Variants in DDX60L observed in about 807,000 individuals in gnomAD.
DDX60L encodes the protein probable ATP-dependent RNA helicase DDX60-like.
Under a neutral mutation model 211.6 loss-of-function variants are expected in DDX60L, and 191 were observed. The observed-to-expected ratio is 0.90, with a 90% CI of 0.80 to 1.02. The LOEUF (loss-of-function observed/expected upper bound fraction) is 1.02, where lower values mean the gene tolerates loss of function less well. Ranked by LOEUF, DDX60L falls within the 50% of genes least tolerant of loss-of-function variation. The probability of loss-of-function intolerance (pLI) is 0.00; values close to 1 mark genes in which losing one functional copy is unlikely to be tolerated. For synonymous variants in DDX60L, 706 were observed against 694.1 expected, an observed-to-expected ratio of 1.02 and a Z score of -0.27; for missense variants, 2,007 against 1,984.1, an observed-to-expected ratio of 1.01 and a Z score of -0.22.
rs375169748 is a variant in DDX60L, at chr4:168,456,138, T to C, written c.738A>G (p.Leu246=). The C allele has an allele frequency of 1.4e-5, 22 of 1,577,038 alleles. No individual in the cohort carries two copies. Among genetic ancestry groups the C allele is most frequent in the African/African-American group, 2.7e-5 (2 of 72,882 alleles). ...NDMMEEAYQT[L]FLLQHLWSEG... ...CTGACCATAGGTGCTGAAGCAGAAA[T>C]AGAGTCTGATACGCCTATCAAAAAA... Residue 246 remains leucine, a synonymous_variant, in exon 7 of 38, where the codon CTA becomes CTG. Transcript: ENST00000682922.
At chr4:168,474,746 T>C (rs187635874) in intron 1 of DDX60L, among the ~76,000 whole-genome samples, 12 of 152,208 alleles carry the variant, frequency 7.9e-5, no homozygotes, top group Non-Finnish European at 1.0e-4. Context: ...ACATGAAAGA[T>C]TGATCGAAGC....
At position 168,389,695 on chromosome 4, in the gene DDX60L, A is replaced by G. The variant is rs1489141446; in HGVS notation, c.3915+1845T>C. ...TATTGAGTGAGAAACATAAATCCAC[A>G]GGTAGATTTTCTTTTTTAAAACTTT... is the stretch of plus-strand genomic sequence containing the variant. On this transcript the variant is annotated intron_variant, in intron 29 of 37. Transcript: ENST00000682922. 2.0e-5 allele frequency among the ~76,000 whole-genome samples: 3 copies of G among 152,360 alleles called. No homozygotes were observed. In the East Asian group the frequency reaches 5.8e-4, roughly 29 times the overall value.
Position 168,358,119 on chromosome 4 carries a change from T to A in DDX60L, c.*28A>T. 1 of 1,591,236 alleles carries A rather than the reference T, an allele frequency of 6.3e-7. No homozygotes were observed. The highest frequency in any genetic ancestry group is 8.6e-7 in the Non-Finnish European group (1 of 1,164,072). On this transcript the variant is annotated 3_prime_UTR_variant, in exon 38 of 38. Coordinates refer to ENST00000682922, the MANE Select transcript of DDX60L (RefSeq NM_001012967.3). ...TCCTTGCAAAGGGATAAATACCACATAATCAGACTTGAAAGTTTTCCATGG... is the reference window on the plus strand; with the variant it reads ...TCCTTGCAAAGGGATAAATACCACAAAATCAGACTTGAAAGTTTTCCATGG...
At chr4:168,478,674 G>A (rs908804638) in intron 1 of DDX60L, among the ~76,000 whole-genome samples, 4 of 152,158 alleles carry the variant, frequency 2.6e-5, no homozygotes, top group African/African-American at 2.4e-5. Flanking sequence ...AGCTAATCCT[G>A]AGAAGAATTT....
intron 8 of DDX60L, among the ~76,000 whole-genome samples, chr4:168,449,702 T>A (rs1755519091): frequency 9.0e-6 from 1 of 111,394 alleles, no homozygotes; most frequent in African/African-American, 3.6e-5. Flanking sequence ...TGTGCTTGAC[T>A]AAGAAAGAGG....
Position 168,373,811 on chromosome 4 carries a change from G to C in DDX60L, c.4634-3C>G. 1 of 1,612,180 alleles carries C rather than the reference G, an allele frequency of 6.2e-7. No individual in the cohort carries two copies. Among genetic ancestry groups the C allele is most frequent in the Non-Finnish European group, 8.5e-7 (1 of 1,179,128 alleles). Reference sequence around the variant, plus strand: ...TTCACATTCTTTACCTGTGAATTCTGACCATTTTGGACTAGGTCACGTTAG... The same window carrying C: ...TTCACATTCTTTACCTGTGAATTCTCACCATTTTGGACTAGGTCACGTTAG... On this transcript the variant is annotated splice_region_variant and splice_polypyrimidine_tract_variant and intron_variant, in intron 34 of 37. Transcript: ENST00000682922.
At chr4:168,377,331 T>A (rs945274598) in intron 33 of DDX60L, among the ~76,000 whole-genome samples, 1 of 150,238 alleles carries the variant, frequency 6.7e-6, no homozygotes, top group Admixed American at 6.6e-5. Flanking sequence ...AATAAATAAA[T>A]AAATAAATAA....
chr4:168,416,831 A>T, intron 19 of DDX60L, 34 bp from the exon 20 acceptor site: 1 of 1,209,624 alleles, frequency 8.3e-7, no homozygotes, highest in Non-Finnish European at 1.2e-6. Flanking sequence ...TGAAAAGTTG[A>T]TGTCAAAATC....
intron 10 of DDX60L, among the ~76,000 whole-genome samples, chr4:168,434,943 C>A (rs2149962951): frequency 6.6e-6 from 1 of 152,308 alleles, no homozygotes; most frequent in South Asian, 2.1e-4. Flanking sequence ...TACTGTTCAT[C>A]TTTCTTCAGT....
At chr4:168,440,330 A>G (rs972697979) in intron 10 of DDX60L, among the ~76,000 whole-genome samples, 4 of 152,244 alleles carry the variant, frequency 2.6e-5, no homozygotes, top group African/African-American at 9.6e-5. Flanking sequence ...CTTAGAAAAT[A>G]TGTGGACAGT....
At position 168,471,349 on chromosome 4, in the gene DDX60L, C is replaced by T. The variant is rs1466063322; in HGVS notation, c.264+398G>A. 3 of 154,280 alleles carry T rather than the reference C, an allele frequency of 1.9e-5. No individual in the cohort carries two copies. In the East Asian group the frequency reaches 5.7e-4, roughly 29 times the overall value. The allele number at this position is 154,280 out of a possible 1,614,324, so 9.6% of individuals were successfully genotyped here. ...TGGTGGGATATAGATATTTGCTCTA[C>T]AACCTTTCAACTTACCTGTATTTGA... On this transcript the variant is annotated intron_variant, in intron 4 of 37. Transcript: ENST00000682922.
chr4:168,419,410 A>G lies in DDX60L; in HGVS notation c.2515-13T>C. The G allele has an allele frequency of 6.4e-7, 1 of 1,553,854 alleles. No individual in the cohort carries two copies. The highest frequency in any genetic ancestry group is 8.7e-7 in the Non-Finnish European group (1 of 1,144,160). ...CTGTAATAAGTACCTACAAATATGA[A>G]TGATTAGTGTAGCTAACTTTATGGA... On this transcript the variant is annotated splice_polypyrimidine_tract_variant and intron_variant, in intron 18 of 37. Coordinates refer to ENST00000682922, the MANE Select transcript of DDX60L (RefSeq NM_001012967.3).
intron 5 of DDX60L, among the ~76,000 whole-genome samples, 192 bp from the exon 6 acceptor site, chr4:168,458,200 T>C (rs2150084204): frequency 6.6e-6 from 1 of 152,238 alleles, no homozygotes; most frequent in East Asian, 1.9e-4. Context: ...TTATACACTG[T>C]TGGTGGGGAT....
At chr4:168,390,970 T>TTA (rs1553995400) in intron 29 of DDX60L, among the ~76,000 whole-genome samples, 4 of 150,842 alleles carry the variant, frequency 2.7e-5, no homozygotes, top group Non-Finnish European at 3.0e-5. Context: ...AAAACCTTTT[T>TTA]AAAAAAAAAG....
intron 20 of DDX60L, 60 bp from the exon 21 acceptor site, chr4:168,415,859 G>C (rs978242664): frequency 7.5e-7 from 1 of 1,326,254 alleles, no homozygotes; most frequent in Non-Finnish European, 9.9e-7. Flanking sequence ...TCAAGAACTT[G>C]GATATTTTAA....
Position 168,418,830 on chromosome 4 carries a change from C to T in DDX60L, c.2610+472G>A, listed in dbSNP as rs113998782. Among the ~76,000 whole-genome samples, 1,294 of 152,332 alleles carry T rather than the reference C, an allele frequency of 8.5e-3. 15 individuals carry two copies. The highest frequency in any genetic ancestry group is 0.028 in the African/African-American group (1,168 of 41,552). On this transcript the variant is annotated intron_variant, in intron 19 of 37. Transcript: ENST00000682922. ...AGCCTCCTTAGCCCTCTAGCTTCTACTGGGTTTGGCCAGTGGGAAGCCTAG... is the reference window on the plus strand; with the variant it reads ...AGCCTCCTTAGCCCTCTAGCTTCTATTGGGTTTGGCCAGTGGGAAGCCTAG...
intron 26 of DDX60L, among the ~76,000 whole-genome samples, chr4:168,398,123 G>A (rs1222141403): frequency 6.6e-6 from 1 of 152,122 alleles, no homozygotes; most frequent in Non-Finnish European, 1.5e-5. Flanking sequence ...ACTCTCGGGG[G>A]CCCAGGAAGG....
In DDX60L at chr4:168,442,083, A is replaced by C. The variant is rs960410815; in HGVS notation, c.1139-591T>G. On this transcript the variant is annotated intron_variant, in intron 9 of 37. Coordinates refer to ENST00000682922, the MANE Select transcript of DDX60L (RefSeq NM_001012967.3). ...AGACGGGTGATTTCTGCATTTCCAT[A>C]TGAGGTACCGGGTTCATCTCACTAG... is the stretch of plus-strand genomic sequence containing the variant. Among the ~76,000 whole-genome samples, 6 of 152,086 alleles carry C rather than the reference A, an allele frequency of 3.9e-5. No individual in the cohort carries two copies. The East Asian group carries it at 9.7e-4, about 25-fold the overall frequency.
intron 16 of DDX60L, among the ~76,000 whole-genome samples, 178 bp from the exon 17 acceptor site, chr4:168,422,087 G>A (rs72695164): frequency 0.017 from 2,539 of 152,282 alleles, 35 homozygotes; most frequent in South Asian, 0.053. Flanking sequence ...AAAATACCTG[G>A]ATTACTCATG....
Sources: gnomAD v4.1 joint callset for allele counts (sites outside exome capture counted in the v4.1 genomes callset) on GRCh38, gnomAD v4.1.1 for gene constraint, MANE v1.5 for transcripts, NCBI Gene and HGNC (gene_info 2026-07-23, HGNC 2026-07-21) for gene names.